The following B3GAT2 variants were observed in gnomAD, a reference collection of about 807,000 sequenced individuals.
B3GAT2 encodes the protein beta-1,3-glucuronyltransferase 2, also known as galactosylgalactosylxylosylprotein 3-beta-glucuronosyltransferase 2.
Under a neutral mutation model 27.8 loss-of-function variants are expected in B3GAT2, and 26 were observed. That is an observed-to-expected ratio of 0.93 (90% CI 0.68 to 1.30). The LOEUF (loss-of-function observed/expected upper bound fraction) is 1.30, where lower values mean the gene tolerates loss of function less well. Ranked by LOEUF, B3GAT2 falls within the 50% of genes most tolerant of loss-of-function variation. The pLI, the probability that B3GAT2 is intolerant of heterozygous loss-of-function variation, is 0.00. For missense variants in B3GAT2, 458 were observed against 459.0 expected, an observed-to-expected ratio of 1.00 and a Z score of 0.02; for synonymous variants, 218 against 195.1, an observed-to-expected ratio of 1.12 and a Z score of -0.98.
Position 70,860,966 on chromosome 6 carries a change from A to ATCTCT in B3GAT2, c.*692_*696dup, listed in dbSNP as rs1771696552. The ATCTCT allele has an allele frequency of 8.7e-6, 3 of 345,080 alleles. No individual in the cohort carries two copies. The highest frequency in any genetic ancestry group is 3.1e-4 in the South Asian group (2 of 6,540). 21.4% of individuals were successfully genotyped at this position (345,080 alleles called of 1,614,324 possible). ...TTTATCTGCCTCTCTTGTAATTTGG[A>ATCTCT]TCTCTTCTTAATGTACATAGTGCTA... On this transcript the variant is annotated 3_prime_UTR_variant, in exon 4 of 4. Coordinates refer to ENST00000230053, the MANE Select transcript of B3GAT2 (RefSeq NM_080742.3).
intron 1 of B3GAT2, among the ~76,000 whole-genome samples, chr6:70,903,583 AT>A (rs1772546964): frequency 1.3e-5 from 2 of 152,204 alleles, no homozygotes; most frequent in South Asian, 4.1e-4. Context: ...TGAATGACCA[AT>A]TATCACACAA....
intron 1 of B3GAT2, among the ~76,000 whole-genome samples, chr6:70,921,110 G>A (rs193034004): frequency 2.0e-5 from 3 of 152,212 alleles, no homozygotes; most frequent in African/African-American, 4.8e-5. Flanking sequence ...CTTGGGGATG[G>A]TTGTCTTGTA....
At chr6:70,944,584 G>A (rs535350768) in intron 1 of B3GAT2, among the ~76,000 whole-genome samples, 1 of 152,282 alleles carries the variant, frequency 6.6e-6, no homozygotes, top group South Asian at 2.1e-4. Flanking sequence ...CAACTGGGTG[G>A]AGGCCACCAC....
At position 70,902,637 on chromosome 6, in the gene B3GAT2, T is replaced by TATATATATATATAC. The variant is rs1491331231; in HGVS notation, c.592-8366_592-8365insGTATATATATATAT. Among the ~76,000 whole-genome samples, 5 of 133,472 alleles carry TATATATATATATAC rather than the reference T, an allele frequency of 3.7e-5. No individual in the cohort carries two copies. In the East Asian group the frequency reaches 9.5e-4, roughly 25 times the overall value. The allele number at this position is 133,472 out of a possible 152,430, so 87.6% of individuals were successfully genotyped here. A position where few individuals can be genotyped will look rare whatever the true frequency, so the allele number is the denominator to read the frequency against. The stretch of plus-strand genomic sequence containing the variant: ...AATGGGATATATATATATATATATA[T>TATATATATATATAC]ACACACACACACACACACACACACA... On this transcript the variant is annotated intron_variant, in intron 1 of 3. Transcript: ENST00000230053.
chr6:70,906,288 G>A lies in B3GAT2; in HGVS notation c.592-12016C>T, dbSNP rs73491630. The stretch of plus-strand genomic sequence containing the variant: ...ACTATTCCAGCACATTACAGTGATC[G>A]TACACCCCTATACTCTACCACGACC... On this transcript the variant is annotated intron_variant, in intron 1 of 3. Coordinates refer to ENST00000230053, the MANE Select transcript of B3GAT2 (RefSeq NM_080742.3). Among the ~76,000 whole-genome samples, 302 of 152,082 alleles carry A rather than the reference G, an allele frequency of 2.0e-3. 2 individuals are homozygous for A. Among genetic ancestry groups the A allele is most frequent in the African/African-American group, 6.9e-3 (286 of 41,472 alleles).
At chr6:70,913,316 CTT>C (rs1772716996) in intron 1 of B3GAT2, among the ~76,000 whole-genome samples, 1 of 152,110 alleles carries the variant, frequency 6.6e-6, no homozygotes, top group South Asian at 2.1e-4. Context: ...AAACTTCCCT[CTT>C]AATACTGCTT....
chr6:70,930,676 T>C (rs1240482358), intron 1 of B3GAT2, among the ~76,000 whole-genome samples: 1 of 152,108 alleles, frequency 6.6e-6, no homozygotes, highest in Non-Finnish European at 1.5e-5. Context: ...CATTAAAAAG[T>C]CAGGAAACAA....
chr6:70,875,914 G>A (rs927138429), intron 2 of B3GAT2, among the ~76,000 whole-genome samples: 1 of 152,084 alleles, frequency 6.6e-6, no homozygotes, highest in African/African-American at 2.4e-5. Flanking sequence ...ATCTTCTAAG[G>A]AAACAATCAG....
chr6:70,945,571 T>C (rs549148963), intron 1 of B3GAT2, among the ~76,000 whole-genome samples: 64 of 151,400 alleles, frequency 4.2e-4, no homozygotes, highest in African/African-American at 1.5e-3. Flanking sequence ...TATGGGACTA[T>C]GTGAAAAGAC....
Position 70,857,648 on chromosome 6 carries a change from G to T in B3GAT2, c.*4015C>A. The T allele has an allele frequency of 2.3e-6, 1 of 442,262 alleles. No individual in the cohort carries two copies. Among genetic ancestry groups the T allele is most frequent in the Non-Finnish European group, 4.1e-6 (1 of 242,216 alleles). The allele number at this position is 442,262 out of a possible 1,614,324, so 27.4% of individuals were successfully genotyped here. A position where few individuals can be genotyped will look rare whatever the true frequency, so the allele number is the denominator to read the frequency against. On this transcript the variant is annotated 3_prime_UTR_variant, in exon 4 of 4. Coordinates refer to ENST00000230053, the MANE Select transcript of B3GAT2 (RefSeq NM_080742.3). ...TGTATGATGTCATGCTACATAGTTTGGTCTTCACAGTGGAAGATATTTTGT... is the reference window on the plus strand; with the variant it reads ...TGTATGATGTCATGCTACATAGTTTTGTCTTCACAGTGGAAGATATTTTGT...
At chr6:70,868,225 G>A (rs923335751) in intron 2 of B3GAT2, among the ~76,000 whole-genome samples, 5 of 152,172 alleles carry the variant, frequency 3.3e-5, no homozygotes, top group Admixed American at 6.5e-5. Context: ...GAAAGACTGA[G>A]TGTTAAATCC....
chr6:70,897,170 T>C (rs1315576574), intron 1 of B3GAT2, among the ~76,000 whole-genome samples: 1 of 152,194 alleles, frequency 6.6e-6, no homozygotes, highest in Non-Finnish European at 1.5e-5. Flanking sequence ...ACTAATATGC[T>C]TACTGCTATC....
chr6:70,927,159 A>C (rs988736316), intron 1 of B3GAT2, among the ~76,000 whole-genome samples: 2 of 152,232 alleles, frequency 1.3e-5, no homozygotes, highest in African/African-American at 4.8e-5. Context: ...CCTGCCTTAC[A>C]AGAGCTCCTG....
chr6:70,884,319 A>G (rs1473019890), intron 2 of B3GAT2, among the ~76,000 whole-genome samples: 1 of 152,134 alleles, frequency 6.6e-6, no homozygotes, highest in Non-Finnish European at 1.5e-5. Flanking sequence ...CACCTCCACC[A>G]TTAAATAATG....
chr6:70,898,944 T>C (rs1772441624), intron 1 of B3GAT2, among the ~76,000 whole-genome samples: 1 of 150,704 alleles, frequency 6.6e-6, no homozygotes, highest in African/African-American at 2.4e-5. Flanking sequence ...GCCTGGACAA[T>C]GAAGCAAGAC....
chr6:70,934,244 T>A (rs774379008), intron 1 of B3GAT2, among the ~76,000 whole-genome samples: 1 of 152,218 alleles, frequency 6.6e-6, no homozygotes, highest in Admixed American at 6.5e-5. Context: ...TAACTTTAAG[T>A]TAGGGAATAA....
At position 70,956,293 on chromosome 6, in the gene B3GAT2, C is replaced by A. The variant is rs756301520; in HGVS notation, c.137G>T (p.Gly46Val). The A allele has an allele frequency of 2.1e-5, 34 of 1,601,062 alleles. No homozygotes were observed. The highest frequency in any genetic ancestry group is 2.6e-5 in the Non-Finnish European group (31 of 1,173,678). Residue 46 changes from glycine (G) to valine (V), a missense_variant, in exon 1 of 4, where the codon GGC becomes GTC. Coordinates refer to ENST00000230053, the MANE Select transcript of B3GAT2 (RefSeq NM_080742.3). Reference protein sequence around the residue: ...PRPYFSPYAVGRGGARLPLRR... With the variant: ...PRPYFSPYAVVRGGARLPLRR... ...GAGCGGGAGTCGGGCGCCCCCGCGG[C>A]CCACCGCGTAGGGAGAGAAGTAGGG...
intron 2 of B3GAT2, 178 bp from the exon 3 acceptor site, chr6:70,862,156 A>G (rs1290876684): frequency 4.8e-6 from 3 of 620,568 alleles, no homozygotes; most frequent in East Asian, 5.6e-5. Flanking sequence ...AAAATCAGTC[A>G]TTACAATATT....
At chr6:70,903,531 A>G (rs561122577) in intron 1 of B3GAT2, among the ~76,000 whole-genome samples, 4 of 152,282 alleles carry the variant, frequency 2.6e-5, no homozygotes, top group African/African-American at 9.6e-5. Context: ...CCCAATTAAA[A>G]AAGTCAGTGA....
Sources: allele counts gnomAD v4.1 joint callset (sites outside exome capture counted in the v4.1 genomes callset), GRCh38; gene constraint gnomAD v4.1.1; transcripts MANE v1.5; gene names NCBI Gene and HGNC (gene_info 2026-07-23, HGNC 2026-07-21).